Variants in MAGI2 observed in about 807,000 individuals in gnomAD.
MAGI2 encodes membrane-associated guanylate kinase, WW and PDZ domain-containing protein 2.
In MAGI2, 35 loss-of-function variants were observed where a neutral mutation model predicts 133.3. The ratio of observed to expected loss-of-function variants is 0.26; its 90% confidence interval spans 0.20 to 0.35. MAGI2 has a LOEUF of 0.35. Among genes scored for constraint, MAGI2 ranks in the 10% least tolerant of loss-of-function variants. MAGI2 has a pLI of 1.00. For synonymous variants in MAGI2, 729 were observed against 710.6 expected, an observed-to-expected ratio of 1.03 and a Z score of -0.41; for missense variants, 1,636 against 1,863.4, an observed-to-expected ratio of 0.88 and a Z score of 2.25.
intron 2 of MAGI2, among the ~76,000 whole-genome samples, chr7:78,877,926 G>A (rs1795552598): frequency 6.6e-6 from 1 of 152,086 alleles, no homozygotes; most frequent in Admixed American, 6.5e-5. Context: ...CTCAGACACT[G>A]AACATTTAGC....
chr7:78,307,205 AATTTT>A (rs1019199026), intron 9 of MAGI2, among the ~76,000 whole-genome samples: 27 of 152,166 alleles, frequency 1.8e-4, no homozygotes, highest in Admixed American at 9.8e-4. Flanking sequence ...TACAAAAGGT[AATTTT>A]ATTTACCCTT....
intron 2 of MAGI2, among the ~76,000 whole-genome samples, chr7:78,784,978 G>A (rs1020566002): frequency 5.3e-5 from 8 of 152,214 alleles, no homozygotes; most frequent in African/African-American, 1.7e-4. Flanking sequence ...CTTGTTAGGC[G>A]TGCATGGTGC....
intron 3 of MAGI2, among the ~76,000 whole-genome samples, chr7:78,549,187 T>C (rs1799127669): frequency 6.6e-6 from 1 of 152,072 alleles, no homozygotes; most frequent in Non-Finnish European, 1.5e-5. Flanking sequence ...TAGATATAAG[T>C]GGGCCTGGAA....
chr7:79,277,840 G>T (rs1394528197), intron 1 of MAGI2, among the ~76,000 whole-genome samples: 6 of 152,138 alleles, frequency 3.9e-5, no homozygotes, highest in Non-Finnish European at 8.8e-5. Context: ...AAAACCTGGA[G>T]TCATCTCTTT....
chr7:78,019,108 G>A lies in MAGI2; in HGVS notation c.*207C>T, dbSNP rs1464541105. Reference sequence around the variant, plus strand: ...CTGCCAAAGCCCCCACAAGGGAACCGGGGGCTTTAGGATCAGTTTAGGTCT... The same window carrying A: ...CTGCCAAAGCCCCCACAAGGGAACCAGGGGCTTTAGGATCAGTTTAGGTCT... On this transcript the variant is annotated 3_prime_UTR_variant, in exon 22 of 22. Transcript: ENST00000354212. The A allele has an allele frequency of 2.0e-6, 1 of 493,476 alleles. No homozygotes were observed. The highest frequency in any genetic ancestry group is 3.5e-6 in the Non-Finnish European group (1 of 286,118). 30.6% of individuals were successfully genotyped at this position (493,476 alleles called of 1,614,324 possible). A position where few individuals can be genotyped will look rare whatever the true frequency, so the allele number is the denominator to read the frequency against.
chr7:79,303,978 T>A (rs1390468519), intron 1 of MAGI2, among the ~76,000 whole-genome samples: 1 of 152,150 alleles, frequency 6.6e-6, no homozygotes, highest in Non-Finnish European at 1.5e-5. Flanking sequence ...CCTGTATATA[T>A]GATAGTCAAC....
At chr7:78,104,412 T>C (rs1156453702) in intron 20 of MAGI2, among the ~76,000 whole-genome samples, 2 of 151,864 alleles carry the variant, frequency 1.3e-5, no homozygotes, top group South Asian at 2.1e-4. Flanking sequence ...TTAGTAGAGA[T>C]GGGGTTTCGC....
chr7:78,629,033 A>C (rs1808675064), intron 2 of MAGI2, among the ~76,000 whole-genome samples: 1 of 152,106 alleles, frequency 6.6e-6, no homozygotes, highest in South Asian at 2.1e-4. Context: ...ATGCATTCCT[A>C]GCACCACGTG....
chr7:78,895,313 C>A (rs184579636), intron 2 of MAGI2, among the ~76,000 whole-genome samples: 1 of 152,232 alleles, frequency 6.6e-6, no homozygotes, highest in East Asian at 1.9e-4. Flanking sequence ...ATTCCCCAGC[C>A]TCCAGAACTG....
At chr7:79,451,431 G>A (rs1317555423) in intron 1 of MAGI2, among the ~76,000 whole-genome samples, 1 of 152,002 alleles carries the variant, frequency 6.6e-6, no homozygotes, top group Non-Finnish European at 1.5e-5. Context: ...TTGAACCTTA[G>A]GTATCTTATC....
intron 1 of MAGI2, among the ~76,000 whole-genome samples, chr7:79,017,812 A>G (rs1475272080): frequency 6.6e-6 from 1 of 152,190 alleles, no homozygotes; most frequent in African/African-American, 2.4e-5. Context: ...AACAGGATTG[A>G]CCAAGCTGAG....
intron 1 of MAGI2, among the ~76,000 whole-genome samples, chr7:79,214,409 A>C (rs2536051): frequency 0.013 from 721 of 56,986 alleles, 2 homozygotes; most frequent in African/African-American, 0.015. Flanking sequence ...CTCTCTCTCT[A>C]TATATATATA....
At chr7:78,913,772 G>C (rs929232365) in intron 2 of MAGI2, among the ~76,000 whole-genome samples, 1 of 152,128 alleles carries the variant, frequency 6.6e-6, no homozygotes, top group Non-Finnish European at 1.5e-5. Flanking sequence ...TCTGTACTAG[G>C]TGGATCTAAG....
At chr7:78,638,720 T>C (rs1039406658) in intron 2 of MAGI2, among the ~76,000 whole-genome samples, 6 of 152,232 alleles carry the variant, frequency 3.9e-5, no homozygotes, top group Non-Finnish European at 7.3e-5. Context: ...ACTTGACTAT[T>C]AATTTCCTGA....
At chr7:78,299,162 A>G (rs1797608127) in intron 9 of MAGI2, among the ~76,000 whole-genome samples, 1 of 152,186 alleles carries the variant, frequency 6.6e-6, no homozygotes. Flanking sequence ...AAGAAGGTTT[A>G]TTGGGAAGGT....
chr7:78,802,838 T>C (rs950261705), intron 2 of MAGI2, among the ~76,000 whole-genome samples: 4 of 152,068 alleles, frequency 2.6e-5, no homozygotes, highest in Non-Finnish European at 5.9e-5. Context: ...GCTATGCATA[T>C]GTGGAGATAG....
chr7:78,569,125 A>AACACAC (rs56351234), intron 3 of MAGI2, among the ~76,000 whole-genome samples: 2,623 of 148,078 alleles, frequency 0.018, 33 homozygotes, highest in Middle Eastern at 0.039. Flanking sequence ...TGTGCATGCC[A>AACACAC]ACACACACAC....
At chr7:78,208,938 C>G (rs950730623) in intron 10 of MAGI2, among the ~76,000 whole-genome samples, 3 of 151,828 alleles carry the variant, frequency 2.0e-5, no homozygotes, top group Non-Finnish European at 4.4e-5. Context: ...AAGACAGGAA[C>G]CTGGCCGGGC....
intron 20 of MAGI2, among the ~76,000 whole-genome samples, chr7:78,107,251 C>T (rs1818784903): frequency 1.3e-5 from 2 of 152,128 alleles, no homozygotes; most frequent in Non-Finnish European, 2.9e-5. Context: ...GTTTTGGTTA[C>T]TATAGCTCTG....
Sources: gnomAD v4.1 joint callset for allele counts (sites outside exome capture counted in the v4.1 genomes callset) on GRCh38, gnomAD v4.1.1 for gene constraint, MANE v1.5 for transcripts, NCBI Gene and HGNC (gene_info 2026-07-23, HGNC 2026-07-21) for gene names.